PRAG1: variants seen among roughly 807,000 people sequenced by gnomAD.
PRAG1 encodes the protein inactive tyrosine-protein kinase PRAG1.
Under a neutral mutation model 95.6 loss-of-function variants are expected in PRAG1, and 110 were observed. The observed-to-expected ratio is 1.15, with a 90% CI of 0.99 to 1.35. The LOEUF is 1.35. Among genes scored for constraint, PRAG1 ranks in the 40% most tolerant of loss-of-function variants. The probability of loss-of-function intolerance (pLI) is 0.00; values close to 1 mark genes in which losing one functional copy is unlikely to be tolerated. For synonymous variants in PRAG1, 1,052 were observed against 819.4 expected (o/e 1.28, Z -4.85); for missense variants, 2,554 against 1,864.7 (o/e 1.37, Z -6.81).
At chr8:8,363,946 C>A (rs1304943450) in intron 3 of PRAG1, among the ~76,000 whole-genome samples, 1 of 152,160 alleles carries the variant, frequency 6.6e-6, no homozygotes, top group African/African-American at 2.4e-5. Flanking sequence ...CTTCTGACTG[C>A]TATTAAATAG....
intron 3 of PRAG1, among the ~76,000 whole-genome samples, chr8:8,375,419 G>C (rs970132222): frequency 6.6e-6 from 1 of 152,002 alleles, no homozygotes; most frequent in Non-Finnish European, 1.5e-5. Context: ...AGCCAGGATG[G>C]TCTCGATCTC....
chr8:8,337,251 T>C (rs921396210), intron 4 of PRAG1, among the ~76,000 whole-genome samples: 2 of 152,226 alleles, frequency 1.3e-5, no homozygotes, highest in Non-Finnish European at 2.9e-5. Context: ...GCTTTGGTAC[T>C]GCATGCCAAA....
At position 8,381,584 on chromosome 8, in the gene PRAG1, G is replaced by A. The variant is rs746601000; in HGVS notation, c.164C>T (p.Pro55Leu). Residue 55 changes from proline (P) to leucine (L), a missense_variant, in exon 2 of 6, where the codon CCC becomes CTC. Transcript: ENST00000615670. The stretch of plus-strand genomic sequence containing the variant: ...CCTGGGAGGCAGGCGCGGTGGAGGG[G>A]GCAGGCTGCCCGCTCTGGGCTGGGG... ...GPPQPRAGSL[P>L]PPPRLPPRPE... 5.6e-6 allele frequency: 9 copies of A among 1,614,016 alleles called. No homozygotes were observed. Among genetic ancestry groups the A allele is most frequent in the African/African-American group, 1.3e-5 (1 of 74,930 alleles).
chr8:8,320,138 T>A (rs941227037), intron 5 of PRAG1, among the ~76,000 whole-genome samples: 4 of 152,202 alleles, frequency 2.6e-5, no homozygotes, highest in African/African-American at 9.7e-5. Context: ...CATCCCTCTG[T>A]GCACAGTATG....
intron 5 of PRAG1, 54 bp from the exon 6 acceptor site, chr8:8,319,356 C>T (rs1304375843): frequency 7.0e-7 from 1 of 1,427,416 alleles, no homozygotes; most frequent in Non-Finnish European, 9.3e-7. Flanking sequence ...TTCCGCCCAG[C>T]AAAGAGTGTG....
rs777868934 is a variant in PRAG1 at position 8,377,286 on chromosome 8, C to G, written c.1123G>C (p.Glu375Gln). The G allele has an allele frequency of 1.7e-5, 27 of 1,612,744 alleles. No individual in the cohort carries two copies. In the Admixed American group the frequency reaches 3.7e-4, roughly 22 times the overall value. ...GGGCAGCCAGGGTCCTGCTGCTTCT[C>G]TGGGGCAGGTTCCTTCATGAGGGAG... Reference protein sequence around the residue: ...YCSLMKEPAPEKQQDPGCPGV... With the variant: ...YCSLMKEPAPQKQQDPGCPGV... The change falls in exon 3 of 6, where the codon GAG becomes CAG. Residue 375 changes from glutamate (E) to glutamine (Q), a missense_variant. Glu to Gln is a conservative substitution (Grantham distance 29). Transcript: ENST00000615670.
intron 1 of PRAG1, among the ~76,000 whole-genome samples, chr8:8,383,176 G>C (rs1225780064): frequency 6.6e-6 from 1 of 152,178 alleles, no homozygotes; most frequent in African/African-American, 2.4e-5. Flanking sequence ...TCATTCCAGA[G>C]TGTTTGTGGG....
rs190648399 is a variant in PRAG1 at position 8,352,455 on chromosome 8, G to A, written c.2163-12820C>T. On this transcript the variant is annotated intron_variant, in intron 3 of 5. Transcript: ENST00000615670. ...CACAGTTAATTCATACTACCTCTCAGGGCTCCCTGGTAATGCTTGTACTTG... is the reference window on the plus strand; with the variant it reads ...CACAGTTAATTCATACTACCTCTCAAGGCTCCCTGGTAATGCTTGTACTTG... Among the ~76,000 whole-genome samples the A allele has an allele frequency of 8.5e-5, 13 of 152,286 alleles. No individual in the cohort carries two copies. In the East Asian group the frequency reaches 2.5e-3, roughly 29 times the overall value.
intron 5 of PRAG1, among the ~76,000 whole-genome samples, chr8:8,324,856 C>T (rs1798583236): frequency 6.6e-6 from 1 of 151,238 alleles, no homozygotes; most frequent in Non-Finnish European, 1.5e-5. Context: ...GACGCACACA[C>T]AACTAATGAT....
chr8:8,385,032 C>A (rs1800803945), intron 1 of PRAG1, among the ~76,000 whole-genome samples: 2 of 151,022 alleles, frequency 1.3e-5, no homozygotes, highest in Admixed American at 1.3e-4. Context: ...ATCAAGGTGG[C>A]CAGATCTTTA....
rs1345421490 is a variant in PRAG1 at position 8,319,014 on chromosome 8, G to A, written c.3361C>T (p.Arg1121Cys). ...AGTTGCAGAAGCAGGAAGCACACGC[G>A]CCGCTCGTACGCCTCGGGCTCCGCC... ...HQAEPEAYER[R>C]VCFLLLQLCN... Residue 1121 changes from arginine (R) to cysteine (C), a missense_variant, in exon 6 of 6, where the codon CGC becomes TGC. Arg to Cys is a radical substitution (Grantham distance 180). Transcript: ENST00000615670. 1 of 1,613,380 alleles carries A rather than the reference G, an allele frequency of 6.2e-7. No individual in the cohort carries two copies. The highest frequency in any genetic ancestry group is 8.5e-7 in the Non-Finnish European group (1 of 1,179,810).
At chr8:8,367,166 G>C (rs573853401) in intron 3 of PRAG1, among the ~76,000 whole-genome samples, 2 of 151,972 alleles carry the variant, frequency 1.3e-5, no homozygotes, top group East Asian at 3.9e-4. Context: ...TGTTCTCATG[G>C]TTCAACAATA....
chr8:8,364,630 TACACTATATG>T (rs560057362), intron 3 of PRAG1, among the ~76,000 whole-genome samples: 1 of 152,304 alleles, frequency 6.6e-6, no homozygotes, highest in Non-Finnish European at 1.5e-5. Flanking sequence ...CACTTTTACA[TACACTATATG>T]ACACTATATG....
intron 3 of PRAG1, among the ~76,000 whole-genome samples, chr8:8,370,078 C>T (rs1800142214): frequency 6.6e-6 from 1 of 152,148 alleles, no homozygotes; most frequent in South Asian, 2.1e-4. Flanking sequence ...TAATTGCTAG[C>T]CTTAGTCAAG....
chr8:8,379,367 C>G (rs974255227), intron 2 of PRAG1, among the ~76,000 whole-genome samples: 3 of 152,174 alleles, frequency 2.0e-5, no homozygotes, highest in African/African-American at 7.2e-5. Context: ...CTCCTTTACC[C>G]CCACTTTTAG....
At chr8:8,330,596 T>C (rs975238262) in intron 4 of PRAG1, among the ~76,000 whole-genome samples, 3 of 152,182 alleles carry the variant, frequency 2.0e-5, no homozygotes, top group African/African-American at 4.8e-5. Context: ...TGGTGCAGTC[T>C]GGACCAGTCA....
At chr8:8,322,196 T>C (rs1727039527) in intron 5 of PRAG1, among the ~76,000 whole-genome samples, 1 of 152,162 alleles carries the variant, frequency 6.6e-6, no homozygotes, top group South Asian at 2.1e-4. Flanking sequence ...TTTTGTTTTG[T>C]TTTTGAGATG....
Position 8,378,083 on chromosome 8 carries a change from A to G in PRAG1, c.331-5T>C. On this transcript the variant is annotated splice_polypyrimidine_tract_variant and splice_region_variant and intron_variant, in intron 2 of 5. Coordinates refer to ENST00000615670, the MANE Select transcript of PRAG1 (RefSeq NM_001080826.3). ...AGGGGCTCGTCTCCAGATGACCTAC[A>G]CACAAGCCCAACGCAAAAAGACTTA... The G allele has an allele frequency of 6.6e-7, 1 of 1,519,262 alleles. No homozygotes were observed. The highest frequency in any genetic ancestry group is 8.8e-7 in the Non-Finnish European group (1 of 1,137,486). The allele number at this position is 1,519,262 out of a possible 1,614,324, so 94.1% of individuals were successfully genotyped here. A position where few individuals can be genotyped will look rare whatever the true frequency, so the allele number is the denominator to read the frequency against.
At chr8:8,352,821 A>C (rs1410187785) in intron 3 of PRAG1, among the ~76,000 whole-genome samples, 1 of 152,224 alleles carries the variant, frequency 6.6e-6, no homozygotes, top group Non-Finnish European at 1.5e-5. Context: ...GCTTACAAAA[A>C]ATCCATTTTA....
Sources: allele counts gnomAD v4.1 joint callset (sites outside exome capture counted in the v4.1 genomes callset), GRCh38; gene constraint gnomAD v4.1.1; transcripts MANE v1.5; gene names NCBI Gene and HGNC (gene_info 2026-07-23, HGNC 2026-07-21).